Variants in RASSF2 observed in about 807,000 individuals in gnomAD.
RASSF2 encodes the protein ras association domain-containing protein 2.
Under a neutral mutation model 46.3 loss-of-function variants are expected in RASSF2, and 34 were observed. The observed-to-expected ratio is 0.73, with a 90% CI of 0.56 to 0.98. The LOEUF is 0.98. RASSF2 is among the 50% of genes least tolerant of loss of function. The probability of loss-of-function intolerance (pLI) is 0.00; values close to 1 mark genes in which losing one functional copy is unlikely to be tolerated. For synonymous variants in RASSF2, 158 were observed against 162.5 expected, an observed-to-expected ratio of 0.97 and a Z score of 0.21; for missense variants, 364 against 431.2, an observed-to-expected ratio of 0.84 and a Z score of 1.38.
chr20:4,816,545 G>C (rs1440948322), intron 2 of RASSF2, among the ~76,000 whole-genome samples: 1 of 152,154 alleles, frequency 6.6e-6, no homozygotes, highest in African/African-American at 2.4e-5. Flanking sequence ...ATGGTGATGG[G>C]TTGTACAACG....
chr20:4,793,007 A>C, intron 5 of RASSF2: 1 of 199,958 alleles, frequency 5.0e-6, no homozygotes, highest in Admixed American at 5.2e-5. Flanking sequence ...GAAAACTCTA[A>C]TAGTGGCCAT....
chr20:4,807,172 G>C (rs1217716003), intron 2 of RASSF2, among the ~76,000 whole-genome samples: 1 of 152,152 alleles, frequency 6.6e-6, no homozygotes, highest in Admixed American at 6.5e-5. Context: ...AATATCACTA[G>C]AGAATTCGCT....
chr20:4,786,721 A>G (rs772022574), intron 10 of RASSF2, among the ~76,000 whole-genome samples: 3 of 152,184 alleles, frequency 2.0e-5, no homozygotes, highest in Non-Finnish European at 4.4e-5. Flanking sequence ...TTGGGTCTCA[A>G]GGCTCAAACA....
chr20:4,794,523 C>T (rs1926174636), intron 5 of RASSF2, among the ~76,000 whole-genome samples: 1 of 151,692 alleles, frequency 6.6e-6, no homozygotes, highest in African/African-American at 2.4e-5. Flanking sequence ...GCCGAGATCG[C>T]ATCACTGCAC....
chr20:4,787,580 A>G, intron 10 of RASSF2, 53 bp downstream of exon 10: 1 of 1,611,656 alleles, frequency 6.2e-7, no homozygotes, highest in Non-Finnish European at 8.5e-7. Context: ...CAGGTGGTCC[A>G]ACCAAATCCC....
At chr20:4,815,289 C>T (rs561381991) in intron 2 of RASSF2, among the ~76,000 whole-genome samples, 1 of 152,154 alleles carries the variant, frequency 6.6e-6, no homozygotes, top group African/African-American at 2.4e-5. Context: ...ACCATGGCCC[C>T]GACTGTACAC....
intron 4 of RASSF2, among the ~76,000 whole-genome samples, chr20:4,797,499 G>T (rs1247542666): frequency 6.6e-6 from 1 of 152,198 alleles, no homozygotes; most frequent in African/African-American, 2.4e-5. Flanking sequence ...AGTAAGCTCA[G>T]TTTCAGGATG....
rs888178728 is a variant in RASSF2 at position 4,792,546 on chromosome 20, G to A, written c.369C>T (p.Ser123=). The change falls in exon 6 of 12, where the codon AGC becomes AGT. Residue 123 remains serine (S), a synonymous_variant. Coordinates refer to ENST00000379400, the MANE Select transcript of RASSF2 (RefSeq NM_014737.3). ...DAPPEGDQMP[S]STDSRGLKPL... The stretch of plus-strand genomic sequence containing the variant: ...CCTTCCACTCACATGTACCTGTGGA[G>A]CTTGGCATCTGGTCACCCTCCGGCG... 1 of 1,614,040 alleles carries A rather than the reference G, an allele frequency of 6.2e-7. No homozygotes were observed. Among genetic ancestry groups the A allele is most frequent in the African/African-American group, 1.3e-5 (1 of 74,926 alleles).
chr20:4,789,234 C>A (rs1568564336), intron 8 of RASSF2, among the ~76,000 whole-genome samples: 1 of 152,300 alleles, frequency 6.6e-6, no homozygotes, highest in South Asian at 2.1e-4. Flanking sequence ...AACCAGTCAG[C>A]AGGCCCCAGG....
intron 2 of RASSF2, among the ~76,000 whole-genome samples, chr20:4,808,635 C>T (rs1344593487): frequency 2.6e-5 from 4 of 151,804 alleles, no homozygotes; most frequent in Non-Finnish European, 2.9e-5. Context: ...CACAGGTACA[C>T]GCCACCATAC....
chr20:4,811,020 C>T (rs1240369517), intron 2 of RASSF2, among the ~76,000 whole-genome samples: 1 of 152,020 alleles, frequency 6.6e-6, no homozygotes, highest in African/African-American at 2.4e-5. Context: ...TCATGAGACT[C>T]CCAGAGCAGC....
At chr20:4,784,880 G>C (rs76517212) in intron 11 of RASSF2, among the ~76,000 whole-genome samples, 3,579 of 152,270 alleles carry the variant, frequency 0.024, 120 homozygotes, top group East Asian at 0.11. Context: ...TGGCTTGGGG[G>C]GAGTTCTGTT....
At chr20:4,809,311 G>T (rs1338571805) in intron 2 of RASSF2, among the ~76,000 whole-genome samples, 1 of 152,168 alleles carries the variant, frequency 6.6e-6, no homozygotes, top group Admixed American at 6.5e-5. Flanking sequence ...CCCAGCCACA[G>T]AGAACTTTCG....
rs1924898609 is a variant in RASSF2 at position 4,782,189 on chromosome 20, A to G, written c.*2084T>C. 1 of 152,360 alleles carries G rather than the reference A, an allele frequency of 6.6e-6. No individual in the cohort carries two copies. Among genetic ancestry groups the G allele is most frequent in the Non-Finnish European group, 1.5e-5 (1 of 68,044 alleles). 9.4% of individuals were successfully genotyped at this position (152,360 alleles called of 1,614,324 possible). ...ACTATCGTAGTGCTAGTGCAAATCA[A>G]AGAGAACTCTTATAAGCCAGAAATC... On this transcript the variant is annotated 3_prime_UTR_variant, in exon 12 of 12. Coordinates refer to ENST00000379400, the MANE Select transcript of RASSF2 (RefSeq NM_014737.3).
intron 5 of RASSF2, among the ~76,000 whole-genome samples, chr20:4,793,291 G>A (rs531657472): frequency 6.6e-6 from 1 of 152,274 alleles, no homozygotes; most frequent in South Asian, 2.1e-4. Context: ...AGGACAAAGG[G>A]AGCAGCTCAG....
intron 3 of RASSF2, among the ~76,000 whole-genome samples, chr20:4,799,007 G>A (rs562615193): frequency 1.3e-5 from 2 of 152,072 alleles, no homozygotes; most frequent in South Asian, 4.2e-4. Context: ...TGCTTTTCTT[G>A]TGTCTAGCTT....
chr20:4,805,400 C>G (rs911999607), intron 2 of RASSF2, among the ~76,000 whole-genome samples: 4 of 152,060 alleles, frequency 2.6e-5, no homozygotes, highest in African/African-American at 9.7e-5. Context: ...GAAGGCAGCT[C>G]ACAAGCTGGG....
intron 4 of RASSF2, among the ~76,000 whole-genome samples, chr20:4,797,051 A>C (rs968509440): frequency 1.3e-5 from 2 of 152,140 alleles, no homozygotes; most frequent in South Asian, 4.1e-4. Flanking sequence ...GGAAGGAATA[A>C]AAGAGGGAAG....
At chr20:4,786,172 A>G in intron 11 of RASSF2, 59 bp downstream of exon 11, 2 of 1,361,612 alleles carry the variant, frequency 1.5e-6, no homozygotes, top group Non-Finnish European at 2.1e-6. Flanking sequence ...GACCCAGCAG[A>G]GGCCCCTCTG....
Sources: allele counts gnomAD v4.1 joint callset (sites outside exome capture counted in the v4.1 genomes callset), GRCh38; gene constraint gnomAD v4.1.1; transcripts MANE v1.5; gene names NCBI Gene and HGNC (gene_info 2026-07-23, HGNC 2026-07-21).